DNAI1: variants seen among roughly 807,000 people sequenced by gnomAD.
The protein encoded by DNAI1 is dynein, axonemal, intermediate polypeptide 1.
In DNAI1, 67 loss-of-function variants were observed where a neutral mutation model predicts 92.0. The ratio of observed to expected loss-of-function variants is 0.73; its 90% CI spans 0.60 to 0.89. DNAI1 has a LOEUF of 0.89. DNAI1 is among the 40% of genes least tolerant of loss of function. The probability of loss-of-function intolerance (pLI) is 0.00; values close to 1 mark genes in which losing one functional copy is unlikely to be tolerated. For missense variants in DNAI1, 839 were observed against 866.6 expected, an observed-to-expected ratio of 0.97 and a Z score of 0.40; for synonymous variants, 323 against 319.6, an observed-to-expected ratio of 1.01 and a Z score of -0.11.
intron 10 of DNAI1, among the ~76,000 whole-genome samples, chr9:34,497,695 G>A (rs1442455709): frequency 6.6e-6 from 1 of 152,246 alleles, no homozygotes; most frequent in Non-Finnish European, 1.5e-5. Context: ...AGGAGAGAAG[G>A]AAAGTGAGGG....
intron 1 of DNAI1, among the ~76,000 whole-genome samples, chr9:34,481,529 T>A (rs536118813): frequency 4.6e-5 from 7 of 152,328 alleles, no homozygotes; most frequent in African/African-American, 1.4e-4. Context: ...GGGTTCTTGG[T>A]CTCACTGACT....
intron 13 of DNAI1, among the ~76,000 whole-genome samples, chr9:34,510,187 G>A (rs1825037904): frequency 6.6e-6 from 1 of 152,264 alleles, no homozygotes; most frequent in Admixed American, 6.5e-5. Context: ...TCTGTTGGCA[G>A]TGGTGAGCCA....
intron 18 of DNAI1, among the ~76,000 whole-genome samples, chr9:34,516,710 T>C (rs1825176121): frequency 6.6e-6 from 1 of 151,634 alleles, no homozygotes; most frequent in Non-Finnish European, 1.5e-5. Context: ...TAGTGAGTGC[T>C]CAACAAATGG....
intron 1 of DNAI1, among the ~76,000 whole-genome samples, chr9:34,461,680 C>T (rs956207736): frequency 2.6e-5 from 4 of 152,148 alleles, no homozygotes; most frequent in African/African-American, 9.7e-5. Context: ...CAGCACTGCC[C>T]CATGGAGGGA....
At chr9:34,501,004 C>T in intron 11 of DNAI1, 134 bp from the exon 12 acceptor site, 1 of 984,638 alleles carries the variant, frequency 1.0e-6, no homozygotes, top group South Asian at 1.3e-5. Context: ...CCCAGGACTC[C>T]CAAGTGGTGA....
chr9:34,490,213 GA>G, intron 6 of DNAI1, 89 bp downstream of exon 6: 3 of 1,610,900 alleles, frequency 1.9e-6, no homozygotes, highest in Admixed American at 3.3e-5. Flanking sequence ...GGAGGAGGGA[GA>G]CCTAAGGTGA....
At chr9:34,467,779 A>G (rs997619791) in intron 1 of DNAI1, among the ~76,000 whole-genome samples, 2 of 152,248 alleles carry the variant, frequency 1.3e-5, no homozygotes, top group Admixed American at 1.3e-4. Flanking sequence ...ACAATATATG[A>G]CACTAATGTT....
chr9:34,506,851 A>G lies in DNAI1; in HGVS notation c.1288A>G (p.Lys430Glu), dbSNP rs746700701. Residue 430 changes from lysine (K) to glutamate (E), a missense_variant, in exon 13 of 20, where the codon AAG becomes GAG. Lys to Glu is a moderately conservative substitution (Grantham distance 56, BLOSUM62 1). Coordinates refer to ENST00000242317, the MANE Select transcript of DNAI1 (RefSeq NM_012144.4). ...CTTCTGCAGCTCAGCCAAGTCTGGC[A>G]AGCACTCAGACCCTGTGTGGCAGGT... ...PSFCSSAKSG[K>E]HSDPVWQVKW... 1 of 1,614,086 alleles carries G rather than the reference A, an allele frequency of 6.2e-7. No individual in the cohort carries two copies. The highest frequency in any genetic ancestry group is 1.1e-5 in the South Asian group (1 of 91,080).
intron 1 of DNAI1, among the ~76,000 whole-genome samples, chr9:34,473,791 C>T (rs1824185601): frequency 6.6e-6 from 1 of 151,750 alleles, no homozygotes; most frequent in South Asian, 2.1e-4. Flanking sequence ...AGTGCGTGAT[C>T]ACAGCTCACT....
At chr9:34,511,973 C>T in intron 13 of DNAI1, 136 bp from the exon 14 acceptor site, 3 of 775,536 alleles carry the variant, frequency 3.9e-6, no homozygotes, top group Non-Finnish European at 2.3e-6. Context: ...AAGGACCAAT[C>T]ATGGGATTCT....
At chr9:34,504,893 T>C (rs1207726961) in intron 12 of DNAI1, among the ~76,000 whole-genome samples, 1 of 152,070 alleles carries the variant, frequency 6.6e-6, no homozygotes, top group Non-Finnish European at 1.5e-5. Flanking sequence ...GGCTGAGGTA[T>C]GGGAAATGGA....
chr9:34,487,671 T>C (rs1824501053), intron 4 of DNAI1, among the ~76,000 whole-genome samples: 1 of 151,960 alleles, frequency 6.6e-6, no homozygotes, highest in Non-Finnish European at 1.5e-5. Context: ...GTGCTGACCA[T>C]GGGAAGCACA....
Position 34,462,003 on chromosome 9 carries a change from G to A in DNAI1, c.48+2950G>A, listed in dbSNP as rs572269900. ...GAGGTAGGTAGGACTGGGTTGCCAG[G>A]GGTGAGGGAAGATCAGGGTTGGGTT... is the stretch of plus-strand genomic sequence containing the variant. On this transcript the variant is annotated intron_variant, in intron 1 of 19. Transcript: ENST00000242317. 2.0e-4 allele frequency among the ~76,000 whole-genome samples: 31 copies of A among 152,268 alleles called. No individual in the cohort carries two copies. The South Asian group carries it at 6.2e-3, about 31-fold the overall frequency.
chr9:34,469,920 C>G (rs1424560383), intron 1 of DNAI1, among the ~76,000 whole-genome samples: 1 of 151,918 alleles, frequency 6.6e-6, no homozygotes, highest in Non-Finnish European at 1.5e-5. Flanking sequence ...CTGTTTAAAG[C>G]AAAAAACAAA....
chr9:34,510,536 T>C (rs1050904137), intron 13 of DNAI1, among the ~76,000 whole-genome samples: 21 of 152,248 alleles, frequency 1.4e-4, no homozygotes, highest in Admixed American at 1.3e-3. Context: ...TAACCTCACT[T>C]ACCACCCTCC....
At chr9:34,495,119 C>G (rs1296979099) in intron 9 of DNAI1, among the ~76,000 whole-genome samples, 1 of 152,222 alleles carries the variant, frequency 6.6e-6, no homozygotes, top group African/African-American at 2.4e-5. Flanking sequence ...AGTGAATGCA[C>G]AGAAATCAAT....
intron 14 of DNAI1, 44 bp from the exon 15 acceptor site, chr9:34,512,293 A>G (rs1825080504): frequency 6.2e-7 from 1 of 1,612,582 alleles, no homozygotes; most frequent in Non-Finnish European, 8.5e-7. Flanking sequence ...ATCTAGCCCA[A>G]CCCACGTGCC....
At chr9:34,518,702 G>A (rs548281495) in intron 19 of DNAI1, among the ~76,000 whole-genome samples, 1 of 152,378 alleles carries the variant, frequency 6.6e-6, no homozygotes, top group Admixed American at 6.5e-5. Flanking sequence ...CAACCCTCCA[G>A]GAGGGATGAT....
rs759050063 is a variant in DNAI1, at chr9:34,485,160, G to A, written c.100G>A (p.Glu34Lys). Residue 34 changes from glutamate to lysine, a missense_variant, in exon 3 of 20, where the codon GAA becomes AAA. Glu to Lys is a moderately conservative substitution (Grantham distance 56). Coordinates refer to ENST00000242317, the MANE Select transcript of DNAI1 (RefSeq NM_012144.4). ...TGTCTAGGATGAAGATTCAGGGACT[G>A]AAGTGGGAGAAGGCACAGATGAATG... ...TRKRDEDSGTEVGEGTDEWAQ... is the reference protein window; with the variant it reads ...TRKRDEDSGTKVGEGTDEWAQ... The A allele has an allele frequency of 5.6e-6, 9 of 1,614,088 alleles. No homozygotes were observed. Among genetic ancestry groups the A allele is most frequent in the Non-Finnish European group, 7.6e-6 (9 of 1,180,052 alleles).
Sources: gnomAD v4.1 joint callset for allele counts (sites outside exome capture counted in the v4.1 genomes callset) on GRCh38, gnomAD v4.1.1 for gene constraint, MANE v1.5 for transcripts, NCBI Gene and HGNC (gene_info 2026-07-23, HGNC 2026-07-21) for gene names.